Variants in FBXO10 observed in about 807,000 individuals in gnomAD.
The protein encoded by FBXO10 is F-box protein 10, also known as F-box only protein 10.
FBXO10 carries 39 observed loss-of-function variants against 80.7 expected under a neutral mutation model. That is an observed-to-expected ratio of 0.48 (90% CI 0.37 to 0.63). FBXO10 has a LOEUF of 0.63. Ranked by LOEUF, FBXO10 falls within the 30% of genes least tolerant of loss-of-function variation. The pLI, the probability that FBXO10 is intolerant of heterozygous loss-of-function variation, is 0.00. For missense variants in FBXO10, 1,025 were observed against 1,269.0 expected (o/e 0.81, Z 2.92); for synonymous variants, 449 against 489.6 (o/e 0.92, Z 1.09).
rs199942057 is a variant in FBXO10 at position 37,516,014 on chromosome 9, C to T, written c.2586G>A (p.Val862=). 6.2e-6 allele frequency: 10 copies of T among 1,614,074 alleles called. No individual in the cohort carries two copies. In the East Asian group the frequency reaches 2.0e-4, roughly 32 times the overall value. ...TGCCCTGGAAGATGATGTTTTCCTG[C>T]ACCAGGGCCTTGGCACGGCCCCGCA... The part of the protein sequence containing the change: ...IAVRGRAKAL[V]QENIIFQGKT... Residue 862 remains valine (V), a synonymous_variant, in exon 10 of 11, where the codon GTG becomes GTA. Coordinates refer to ENST00000432825, the MANE Select transcript of FBXO10 (RefSeq NM_012166.3).
In FBXO10 at chr9:37,518,252, C is replaced by A; in HGVS notation, c.2387G>T (p.Gly796Val). The change falls in exon 9 of 11, where the codon GGC (glycine) becomes GTC (valine). Residue 796 changes from glycine to valine, a missense_variant. By Grantham distance (109) the Gly-to-Val change is moderately radical. Transcript: ENST00000432825. ...GCCTCTGTTGTCATAGATACCATTG[C>A]CCCGGAGCTCCACTTTGCACTGGGC... ...VEAQCKVELR[G>V]NGIYDNRGHG... is the part of the protein sequence containing the mutation. The A allele has an allele frequency of 6.2e-7, 1 of 1,614,078 alleles. No individual in the cohort carries two copies. The highest frequency in any genetic ancestry group is 2.2e-5 in the East Asian group (1 of 44,886).
chr9:37,546,127 G>C (rs886725851), intron 1 of FBXO10, among the ~76,000 whole-genome samples: 1 of 150,826 alleles, frequency 6.6e-6, no homozygotes, highest in Non-Finnish European at 1.5e-5. Context: ...GCCAGAACAA[G>C]AGCAAAACTC....
chr9:37,516,062 C>A lies in FBXO10; in HGVS notation c.2538G>T (p.Ser846=), dbSNP rs762410316. 2 of 1,612,596 alleles carry A rather than the reference C, an allele frequency of 1.2e-6. No homozygotes were observed. The highest frequency in any genetic ancestry group is 4.5e-5 in the East Asian group (2 of 44,868). The change falls in exon 10 of 11, where the codon TCG becomes TCT. Residue 846 remains serine (S), a synonymous_variant. Coordinates refer to ENST00000432825, the MANE Select transcript of FBXO10 (RefSeq NM_012166.3). ...GCACGGCGATGCCGTAGGCCCGGAA[C>A]GAGTGGATCCGGTTCTTTATTACCT... ...DTKVIKNRIH[S]FRAYGIAVRG... is the part of the protein sequence containing the mutation.
At chr9:37,574,432 C>T (rs994305103) in intron 1 of FBXO10, among the ~76,000 whole-genome samples, 2 of 152,206 alleles carry the variant, frequency 1.3e-5, no homozygotes, top group Admixed American at 1.3e-4. Flanking sequence ...CTGATAACCA[C>T]GGCAACCAAA....
At position 37,541,599 on chromosome 9, in the gene FBXO10, T is replaced by G. The variant is rs1158425571; in HGVS notation, c.170A>C (p.His57Pro). 1.9e-6 allele frequency: 3 copies of G among 1,613,836 alleles called. No homozygotes were observed. In the East Asian group the frequency reaches 6.7e-5, roughly 36 times the overall value. The change falls in exon 2 of 11, where the codon CAT becomes CCT. Residue 57 changes from histidine to proline, a missense_variant. By Grantham distance (77) the His-to-Pro change is moderately conservative. This residue lies in a region of FBXO10 where 450 missense variants were observed against 499.4 expected (regional missense o/e 0.90). Coordinates refer to ENST00000432825, the MANE Select transcript of FBXO10 (RefSeq NM_012166.3). ...QLCLGCTECR[H>P]PNWPNQPDVE... ...ATCTGGCTGGTTGGGCCAATTGGGA[T>G]GGCGGCACTCGGTGCAACCCAGACA...
chr9:37,515,830 G>A, intron 10 of FBXO10, 74 bp downstream of exon 10: 1 of 1,491,640 alleles, frequency 6.7e-7, no homozygotes, highest in South Asian at 1.3e-5. Context: ...CACAATCCCT[G>A]GGTGTGGGCC....
chr9:37,572,209 T>A (rs1822777216), intron 1 of FBXO10, among the ~76,000 whole-genome samples: 1 of 151,898 alleles, frequency 6.6e-6, no homozygotes, highest in Non-Finnish European at 1.5e-5. Context: ...GACACACACA[T>A]GAAAATAGTT....
chr9:37,522,954 A>G lies in FBXO10; in HGVS notation c.1801T>C (p.Trp601Arg), dbSNP rs1333141870. The change falls in exon 7 of 11, where the codon TGG (tryptophan) becomes CGG (arginine). Residue 601 changes from tryptophan to arginine, a missense_variant. This residue lies in a region of FBXO10 where 478 missense variants were observed against 667.8 expected (regional missense o/e 0.72). Transcript: ENST00000432825. ...ITENVIRENQWGGVDIRRGGI... is the reference protein window; with the variant it reads ...ITENVIRENQRGGVDIRRGGI... ...CCACGGCGGATGTCCACACCTCCCC[A>G]CTGATTCTCACGGATGACATTTTCT... 4 of 1,594,352 alleles carry G rather than the reference A, an allele frequency of 2.5e-6. No homozygotes were observed. The highest frequency in any genetic ancestry group is 3.4e-6 in the Non-Finnish European group (4 of 1,170,734).
rs375374605 is a variant in FBXO10, at chr9:37,518,208, C to A, written c.2431G>T (p.Gly811Cys). 1.2e-6 allele frequency: 2 copies of A among 1,613,920 alleles called. No homozygotes were observed. Reference protein sequence around the residue: ...DNRGHGIITKGDSTIVIENDI... With the variant: ...DNRGHGIITKCDSTIVIENDI... ...TTTTCAATGACGATGGTGCTGTCGC[C>A]CTTGGTGATAATGCCGTGGCCTCTG... Residue 811 changes from glycine to cysteine, a missense_variant, in exon 9 of 11, where the codon GGC becomes TGC. Coordinates refer to ENST00000432825, the MANE Select transcript of FBXO10 (RefSeq NM_012166.3).
At chr9:37,536,933 T>C (rs1188640251) in intron 3 of FBXO10, among the ~76,000 whole-genome samples, 177 bp downstream of exon 3, 1 of 152,226 alleles carries the variant, frequency 6.6e-6, no homozygotes, top group Non-Finnish European at 1.5e-5. Context: ...TGGGCCTCTC[T>C]TTCTGGGAAA....
rs568615349 is a variant in FBXO10 at position 37,549,638 on chromosome 9, A to G, written c.-6-7864T>C. ...TCATTTCATCTGCTGGTTCCCCTCTATCTTTTCTTTACAATTTATTTGTTG... is the reference window on the plus strand; with the variant it reads ...TCATTTCATCTGCTGGTTCCCCTCTGTCTTTTCTTTACAATTTATTTGTTG... On this transcript the variant is annotated intron_variant, in intron 1 of 10. Coordinates refer to ENST00000432825, the MANE Select transcript of FBXO10 (RefSeq NM_012166.3). Among the ~76,000 whole-genome samples the G allele has an allele frequency of 2.0e-5, 3 of 152,178 alleles. No homozygotes were observed. In the East Asian group the frequency reaches 5.8e-4, roughly 29 times the overall value.
At chr9:37,521,918 A>C in intron 7 of FBXO10, 80 bp from the exon 8 acceptor site, 3 of 1,441,302 alleles carry the variant, frequency 2.1e-6, no homozygotes, top group South Asian at 1.5e-5. Context: ...GGGGAAACAA[A>C]AGCCACTGGC....
intron 3 of FBXO10, among the ~76,000 whole-genome samples, chr9:37,536,338 C>T (rs1821764896): frequency 6.6e-6 from 1 of 152,142 alleles, no homozygotes; most frequent in Non-Finnish European, 1.5e-5. Flanking sequence ...GGTGCTATGC[C>T]ATGCTTTCTT....
At position 37,519,199 on chromosome 9, in the gene FBXO10, A is replaced by G. The variant is rs1463475533; in HGVS notation, c.2201-761T>C. ...GCTGGGATTACAGGCGTGAGCCACC[A>G]TGCCTGGCCGGAAATTTTCTTCTTA... On this transcript the variant is annotated intron_variant, in intron 8 of 10. Transcript: ENST00000432825. Among the ~76,000 whole-genome samples the G allele has an allele frequency of 4.6e-5, 7 of 152,312 alleles. No individual in the cohort carries two copies. In the East Asian group the frequency reaches 9.6e-4, roughly 21 times the overall value.
intron 1 of FBXO10, among the ~76,000 whole-genome samples, chr9:37,569,326 A>G (rs1822688085): frequency 6.6e-6 from 1 of 151,754 alleles, no homozygotes; most frequent in Non-Finnish European, 1.5e-5. Flanking sequence ...TTAAGAATTA[A>G]GAATTAAGAA....
intron 1 of FBXO10, among the ~76,000 whole-genome samples, chr9:37,559,250 G>T (rs559563097): frequency 1.8e-4 from 27 of 152,306 alleles, no homozygotes; most frequent in African/African-American, 6.0e-4. Context: ...AGAATCTCTG[G>T]AGTGGAACCA....
chr9:37,561,748 A>T (rs1225450584), intron 1 of FBXO10, among the ~76,000 whole-genome samples: 4 of 152,216 alleles, frequency 2.6e-5, no homozygotes, highest in Non-Finnish European at 4.4e-5. Context: ...ACCTTCAGAG[A>T]CAGACAATAA....
chr9:37,541,337 T>C lies in FBXO10; in HGVS notation c.432A>G (p.Gln144=), dbSNP rs1821910884. ...IVLFPGVYEE[Q]GEIILKVPVE... ...CAGGCACCTTCAAGATGATTTCACC[T>C]TGCTCTTCGTACACACCTGGGAAGA... The change falls in exon 2 of 11, where the codon CAA becomes CAG. Residue 144 remains glutamine, a synonymous_variant. Transcript: ENST00000432825. 6.2e-7 allele frequency: 1 copy of C among 1,614,038 alleles called. No homozygotes were observed. The highest frequency in any genetic ancestry group is 8.5e-7 in the Non-Finnish European group (1 of 1,179,890).
At chr9:37,546,791 G>A (rs1417847190) in intron 1 of FBXO10, among the ~76,000 whole-genome samples, 3 of 149,884 alleles carry the variant, frequency 2.0e-5, no homozygotes, top group African/African-American at 4.9e-5. Context: ...AGCAATTCTC[G>A]TGCCTCAGCC....
Sources: allele counts gnomAD v4.1 joint callset (sites outside exome capture counted in the v4.1 genomes callset), GRCh38; gene constraint gnomAD v4.1.1; regional missense constraint gnomAD v4.1.1; transcripts MANE v1.5; gene names NCBI Gene and HGNC (gene_info 2026-07-23, HGNC 2026-07-21).